Variants in SCRIB observed in about 807,000 individuals in gnomAD.
SCRIB encodes scribble planar cell polarity protein, also known as protein scribble homolog.
SCRIB carries 72 observed loss-of-function variants against 170.0 expected under a neutral mutation model. The ratio of observed to expected loss-of-function variants is 0.42; its 90% CI spans 0.35 to 0.52. The LOEUF is 0.52. Among genes scored for constraint, SCRIB ranks in the 20% least tolerant of loss-of-function variants. SCRIB has a pLI of 0.02. For synonymous variants in SCRIB, 1,298 were observed against 1,044.3 expected (o/e 1.24, Z -4.68); for missense variants, 2,475 against 2,338.5 (o/e 1.06, Z -1.20).
chr8:143,793,753 C>G (rs1814814837), intron 28 of SCRIB, 147 bp downstream of exon 28: 1 of 725,186 alleles, frequency 1.4e-6, no homozygotes, highest in South Asian at 1.8e-5. Context: ...ACAGGAGGCC[C>G]CATGGTAGCA....
Position 143,791,326 on chromosome 8 carries a change from G to A in SCRIB, c.4823-18C>T, listed in dbSNP as rs781971473. 2.5e-6 allele frequency: 4 copies of A among 1,586,498 alleles called. No homozygotes were observed. Among genetic ancestry groups the A allele is most frequent in the Admixed American group, 1.8e-5 (1 of 56,346 alleles). On this transcript the variant is annotated intron_variant, in intron 36 of 36. Transcript: ENST00000356994. The stretch of plus-strand genomic sequence containing the variant: ...CTGCGGGCCTGGAGGGCAGGGACAG[G>A]TGGGCAGTGAGCTGAGGGCAGCTGG...
intron 8 of SCRIB, 22 bp from the exon 9 acceptor site, chr8:143,812,406 G>A (rs189775940): frequency 3.0e-5 from 47 of 1,553,762 alleles, no homozygotes; most frequent in Middle Eastern, 1.7e-4. Flanking sequence ...GAGACAGGGG[G>A]ACAAGGCTGA....
chr8:143,800,920 C>T (rs746687124), intron 24 of SCRIB, among the ~76,000 whole-genome samples: 1 of 152,190 alleles, frequency 6.6e-6, no homozygotes, highest in African/African-American at 2.4e-5. Flanking sequence ...GAATTCCAGT[C>T]GGTTTCTGCA....
At chr8:143,791,329 G>A in intron 36 of SCRIB, 21 bp from the exon 37 acceptor site, 2 of 1,586,866 alleles carry the variant, frequency 1.3e-6, no homozygotes, top group South Asian at 1.1e-5. Flanking sequence ...GGGACAGGTG[G>A]GCAGTGAGCT....
At chr8:143,806,833 G>T in intron 17 of SCRIB, 91 bp downstream of exon 17, 1 of 940,208 alleles carries the variant, frequency 1.1e-6, no homozygotes, top group Non-Finnish European at 1.6e-6. Flanking sequence ...GCGTGTGAGT[G>T]TTCTCAGGGC....
intron 18 of SCRIB, 141 bp from the exon 19 acceptor site, chr8:143,805,576 C>G (rs1032945546): frequency 2.3e-6 from 2 of 863,398 alleles, no homozygotes; most frequent in Non-Finnish European, 3.3e-6. Flanking sequence ...TGACATCACC[C>G]GAGACCTTTA....
chr8:143,790,938 A>G lies in SCRIB; in HGVS notation c.*225T>C, dbSNP rs896069864. 2.3e-6 allele frequency: 1 copy of G among 433,154 alleles called. No individual in the cohort carries two copies. The highest frequency in any genetic ancestry group is 3.9e-6 in the Non-Finnish European group (1 of 255,984). The allele number at this position is 433,154 out of a possible 1,614,324, so 26.8% of individuals were successfully genotyped here. A position where few individuals can be genotyped will look rare whatever the true frequency, so the allele number is the denominator to read the frequency against. On this transcript the variant is annotated 3_prime_UTR_variant, in exon 37 of 37. Transcript: ENST00000356994. ...GCAGACGGGAGGTAAAATGTAGTCAACTTTATTCTCCTTAAACCACAAAAT... is the reference window on the plus strand; with the variant it reads ...GCAGACGGGAGGTAAAATGTAGTCAGCTTTATTCTCCTTAAACCACAAAAT...
At chr8:143,809,934 C>A (rs961999529) in intron 13 of SCRIB, among the ~76,000 whole-genome samples, 1 of 152,206 alleles carries the variant, frequency 6.6e-6, no homozygotes, top group Non-Finnish European at 1.5e-5. Flanking sequence ...GGTTCCACAG[C>A]CCAGCCCCAA....
At chr8:143,813,206 C>T in intron 6 of SCRIB, 102 bp from the exon 7 acceptor site, 1 of 1,587,266 alleles carries the variant, frequency 6.3e-7, no homozygotes, top group Non-Finnish European at 8.6e-7. Context: ...CACCCGCCTG[C>T]CCTCCCGAGG....
At chr8:143,804,853 G>A (rs1554636000) in intron 20 of SCRIB, 28 bp from the exon 21 acceptor site, 3 of 1,311,170 alleles carry the variant, frequency 2.3e-6, no homozygotes, top group East Asian at 5.0e-5. Flanking sequence ...AATCAGGGAG[G>A]CCCAAGGGCA....
intron 14 of SCRIB, among the ~76,000 whole-genome samples, chr8:143,809,303 G>C (rs141654449): frequency 7.9e-5 from 12 of 152,088 alleles, no homozygotes. Flanking sequence ...AGTCCAGGGT[G>C]GGGGTGGGCT....
chr8:143,813,608 A>G, intron 4 of SCRIB, 29 bp downstream of exon 4: 1 of 1,612,454 alleles, frequency 6.2e-7, no homozygotes, highest in Non-Finnish European at 8.5e-7. Context: ...CCCCCACCCC[A>G]CCCTAGTTCC....
chr8:143,803,334 C>T lies in SCRIB; in HGVS notation c.3603+49G>A, dbSNP rs527977548. On this transcript the variant is annotated intron_variant, in intron 24 of 36. Transcript: ENST00000356994. ...GAGAGGTGTCAGCGGCTCACAACAC[C>T]TTGGGCTGGGCCAGAGGGAGGCCCG... 1.1e-5 allele frequency: 16 copies of T among 1,486,584 alleles called. No homozygotes were observed. In the South Asian group the frequency reaches 1.8e-4, roughly 17 times the overall value. 92.1% of individuals were successfully genotyped at this position (1,486,584 alleles called of 1,614,324 possible). A position where few individuals can be genotyped will look rare whatever the true frequency, so the allele number is the denominator to read the frequency against.
In SCRIB at chr8:143,805,246, G is replaced by A. The variant is rs752444859; in HGVS notation, c.2536C>T (p.Leu846=). 74 of 1,535,850 alleles carry A rather than the reference G, an allele frequency of 4.8e-5. No individual in the cohort carries two copies. The highest frequency in any genetic ancestry group is 6.1e-5 in the Non-Finnish European group (70 of 1,145,872). Residue 846 remains leucine (L), a synonymous_variant, in exon 19 of 37, where the codon CTG becomes TTG. Coordinates refer to ENST00000356994, the MANE Select transcript of SCRIB (RefSeq NM_182706.5). ...GGGCTCTCAGGCGGGAGCAGGGGCA[G>A]GCGCAGCCCCCCTCCCCGCCGCTCT... The part of the protein sequence containing the change: ...PRERRGGGLR[L]PLLPPESPGP...
At chr8:143,803,611 T>A (rs1203204912) in intron 23 of SCRIB, 36 bp downstream of exon 23, 1 of 395,498 alleles carries the variant, frequency 2.5e-6, no homozygotes. Flanking sequence ...TGTTGGGGGG[T>A]GGGGCCCAGG....
Position 143,810,558 on chromosome 8 carries a change from A to C in SCRIB, c.1451T>G (p.Met484Arg). The change falls in exon 13 of 37, where the codon ATG becomes AGG. Residue 484 changes from methionine to arginine, a missense_variant. By Grantham distance (91) the Met-to-Arg change is moderately conservative (BLOSUM62 -1). Around this residue, in one of 3 missense-constraint regions of SCRIB, gnomAD observed 1,966 missense variants for 1,742.9 expected, o/e 1.13. Coordinates refer to ENST00000356994, the MANE Select transcript of SCRIB (RefSeq NM_182706.5). ...ATPHPSELKV[M>R]KRSIEGRRSE... ...CCGCCGCCCCTCGATGCTCCTCTTC[A>C]TCACCTTGAGCTCGCTGGGGTGAGG... 1 of 1,613,580 alleles carries C rather than the reference A, an allele frequency of 6.2e-7. No homozygotes were observed. The highest frequency in any genetic ancestry group is 8.5e-7 in the Non-Finnish European group (1 of 1,179,972).
chr8:143,812,605 G>C (rs559718635), intron 8 of SCRIB, among the ~76,000 whole-genome samples: 27 of 152,240 alleles, frequency 1.8e-4, no homozygotes, highest in East Asian at 1.7e-3. Flanking sequence ...CGCCCTCACA[G>C]ACTCCACCGC....
intron 1 of SCRIB, chr8:143,814,752 A>G (rs1012967731): frequency 1.8e-5 from 3 of 168,810 alleles, no homozygotes; most frequent in Admixed American, 1.2e-4. Context: ...GCACCTGACC[A>G]CGAGAAGCAA....
At chr8:143,801,889 C>T (rs782642017) in intron 24 of SCRIB, among the ~76,000 whole-genome samples, 5 of 152,196 alleles carry the variant, frequency 3.3e-5, no homozygotes, top group Non-Finnish European at 5.9e-5. Flanking sequence ...CCTATACCGA[C>T]ATGTCACGGC....
Sources: gnomAD v4.1 joint callset for allele counts (sites outside exome capture counted in the v4.1 genomes callset) on GRCh38, gnomAD v4.1.1 for gene constraint, gnomAD v4.1.1 regional missense constraint, MANE v1.5 for transcripts, NCBI Gene and HGNC (gene_info 2026-07-23, HGNC 2026-07-21) for gene names.